Variants in BCL2L13 observed in about 807,000 individuals in gnomAD.
BCL2L13 encodes the protein BCL2 like 13, also known as bcl-2-like protein 13.
BCL2L13 carries 13 observed loss-of-function variants against 25.8 expected under a neutral mutation model. That is an observed-to-expected ratio of 0.50 (90% CI 0.33 to 0.80). BCL2L13 has a LOEUF of 0.80. BCL2L13 is among the 30% of genes least tolerant of loss of function. The pLI is 0.02. For missense variants in BCL2L13, 504 were observed against 574.9 expected (o/e 0.88, Z 1.26); for synonymous variants, 244 against 230.3 (o/e 1.06, Z -0.54).
intron 4 of BCL2L13, among the ~76,000 whole-genome samples, chr22:17,694,239 CT>C (rs2060198782): frequency 6.6e-6 from 1 of 152,044 alleles, no homozygotes; most frequent in Non-Finnish European, 1.5e-5. Flanking sequence ...TGAAACCGTG[CT>C]TTAAATAAAG....
In BCL2L13 at chr22:17,640,189, G is replaced by A. The variant is rs571680216; in HGVS notation, c.-51+1303G>A. Among the ~76,000 whole-genome samples the A allele has an allele frequency of 5.3e-5, 8 of 152,080 alleles. No individual in the cohort carries two copies. The South Asian group carries it at 1.4e-3, about 28-fold the overall frequency. ...TTCAACCACCCCCGCGCCACCGCATGAAGTATTATTTTCATTTTTAACACC... is the reference window on the plus strand; with the variant it reads ...TTCAACCACCCCCGCGCCACCGCATAAAGTATTATTTTCATTTTTAACACC... On this transcript the variant is annotated intron_variant, in intron 1 of 6. Coordinates refer to ENST00000317582, the MANE Select transcript of BCL2L13 (RefSeq NM_015367.4).
chr22:17,638,415 C>G, upstream of BCL2L13: 1 of 353,916 alleles, frequency 2.8e-6, no homozygotes, highest in Non-Finnish European at 5.1e-6. Flanking sequence ...GCTCCCTTGG[C>G]AAACACTTGA....
chr22:17,631,670 GTATATATATA>G lies in BCL2L13; in HGVS notation c.-650+2693_-650+2702del, dbSNP rs1181793721. On this transcript the variant is annotated intron_variant, in intron 1 of 6. Transcript: ENST00000399782. ...CGTGTGTGTATGTATGTGTGTGTGT[GTATATATATA>G]TATATATATATATATATATATATAT... is the stretch of plus-strand genomic sequence containing the variant. Among the ~76,000 whole-genome samples the G allele has an allele frequency of 9.0e-3, 242 of 26,864 alleles. 18 individuals carry two copies. Among genetic ancestry groups the G allele is most frequent in the Admixed American group, 0.051 (98 of 1,932 alleles). 17.6% of individuals were successfully genotyped at this position (26,864 alleles called of 152,430 possible).
chr22:17,690,298 C>T (rs553220557), intron 4 of BCL2L13, among the ~76,000 whole-genome samples: 4 of 151,806 alleles, frequency 2.6e-5, no homozygotes, highest in Non-Finnish European at 5.9e-5. Context: ...TGCACTCCAG[C>T]CTGCATGACA....
chr22:17,689,074 T>C lies in BCL2L13; in HGVS notation c.318T>C (p.His106=), dbSNP rs111606424. The stretch of plus-strand genomic sequence containing the variant: ...GCTCAATGGAAGACTGCTTGGCCCA[T>C]CTTGGAGAAAAAGTGTCCCAGGAAC... ...PESSMEDCLA[H]LGEKVSQELK... The change falls in exon 4 of 7, where the codon CAT becomes CAC. Residue 106 remains histidine, a synonymous_variant. Transcript: ENST00000317582. The C allele has an allele frequency of 2.0e-5, 32 of 1,614,162 alleles. No homozygotes were observed. In the African/African-American group the frequency reaches 2.9e-4, roughly 15 times the overall value.
intron 4 of BCL2L13, among the ~76,000 whole-genome samples, chr22:17,690,004 C>T (rs898739449): frequency 6.6e-6 from 1 of 151,968 alleles, no homozygotes; most frequent in African/African-American, 2.4e-5. Context: ...AGGCAAGAAG[C>T]TAGTAATAAG....
intron 2 of BCL2L13, among the ~76,000 whole-genome samples, chr22:17,661,309 T>C (rs1468989538): frequency 2.7e-5 from 4 of 145,636 alleles, no homozygotes; most frequent in African/African-American, 9.7e-5. Flanking sequence ...GCCAGGCTGG[T>C]CTCGAACTCC....
At chr22:17,631,670 G>GTATA (rs1181793721) in intron 1 of BCL2L13, among the ~76,000 whole-genome samples, 52 of 26,824 alleles carry the variant, frequency 1.9e-3, no homozygotes, top group South Asian at 6.0e-3. Context: ...GTGTGTGTGT[G>GTATA]TATATATATA....
At chr22:17,638,915 G>A in intron 1 of BCL2L13, 29 bp downstream of exon 1, 1 of 1,230,900 alleles carries the variant, frequency 8.1e-7, no homozygotes, top group Middle Eastern at 3.1e-4. Context: ...CGGGAAGGCT[G>A]AGCTGGGTGA....
At chr22:17,644,581 T>C (rs2058407149) in intron 1 of BCL2L13, among the ~76,000 whole-genome samples, 1 of 150,982 alleles carries the variant, frequency 6.6e-6, no homozygotes, top group Non-Finnish European at 1.5e-5. Context: ...CCGCCTGCCT[T>C]GGCCTTCCAA....
chr22:17,632,448 T>C (rs1050244673), intron 1 of BCL2L13, among the ~76,000 whole-genome samples: 5 of 152,178 alleles, frequency 3.3e-5, no homozygotes, highest in Non-Finnish European at 5.9e-5. Flanking sequence ...TCTTTTGCAT[T>C]AATAGCCTCA....
rs576703953 is a variant in BCL2L13, at chr22:17,705,337, G to A, written c.600+2951G>A. Among the ~76,000 whole-genome samples, 8 of 146,264 alleles carry A rather than the reference G, an allele frequency of 5.5e-5. No homozygotes were observed. In the South Asian group the frequency reaches 6.5e-4, roughly 12 times the overall value. ...TTTTCAGATGTAGTCTCCCTGTGTC[G>A]CCCAGGCTGGAATGCAGTGGCACTA... On this transcript the variant is annotated intron_variant, in intron 6 of 6. Transcript: ENST00000317582.
chr22:17,649,057 C>A (rs1213182405), intron 1 of BCL2L13, among the ~76,000 whole-genome samples: 1 of 151,866 alleles, frequency 6.6e-6, no homozygotes, highest in African/African-American at 2.4e-5. Flanking sequence ...TGCCTCAGCC[C>A]CCCACATTGT....
At chr22:17,654,857 G>T (rs60281186) in intron 1 of BCL2L13, among the ~76,000 whole-genome samples, 2,890 of 152,052 alleles carry the variant, frequency 0.019, 82 homozygotes, top group African/African-American at 0.067. Flanking sequence ...GAGTAACTGG[G>T]ACCATAGGCA....
chr22:17,685,039 A>AT (rs1410767753), intron 3 of BCL2L13, among the ~76,000 whole-genome samples: 1 of 150,422 alleles, frequency 6.6e-6, no homozygotes, highest in Non-Finnish European at 1.5e-5. Context: ...CCGGCCTGTA[A>AT]TTTTTTGTAC....
chr22:17,727,670 G>T lies in BCL2L13; in HGVS notation c.*136G>T. On this transcript the variant is annotated 3_prime_UTR_variant, in exon 7 of 7. Transcript: ENST00000317582. The stretch of plus-strand genomic sequence containing the variant: ...GGGACTTCTGCTCAACATGGCAGTG[G>T]CATGTTAGGCATGTTAGGGCTTGAG... 1 of 1,097,140 alleles carries T rather than the reference G, an allele frequency of 9.1e-7. No individual in the cohort carries two copies. The highest frequency in any genetic ancestry group is 2.5e-5 in the East Asian group (1 of 40,052). The allele number at this position is 1,097,140 out of a possible 1,614,324, so 68.0% of individuals were successfully genotyped here. A position where few individuals can be genotyped will look rare whatever the true frequency, so the allele number is the denominator to read the frequency against.
At chr22:17,681,024 C>T (rs564461738) in intron 2 of BCL2L13, among the ~76,000 whole-genome samples, 11 of 152,152 alleles carry the variant, frequency 7.2e-5, no homozygotes, top group East Asian at 5.8e-4. Context: ...CCTACTCTGT[C>T]GCACCTCCAT....
intron 6 of BCL2L13, chr22:17,706,853 C>T (rs561343352): frequency 7.4e-6 from 10 of 1,348,566 alleles, no homozygotes; most frequent in South Asian, 4.5e-5. Flanking sequence ...CTTTCTCCGT[C>T]GTCACATGAT....
intron 1 of BCL2L13, among the ~76,000 whole-genome samples, chr22:17,652,098 T>C (rs1449548252): frequency 6.6e-6 from 1 of 152,224 alleles, no homozygotes; most frequent in East Asian, 1.9e-4. Context: ...GGGGTTACAT[T>C]CTGAGAAACT....
Sources: gnomAD v4.1 joint callset for allele counts (sites outside exome capture counted in the v4.1 genomes callset) on GRCh38, gnomAD v4.1.1 for gene constraint, MANE v1.5 for transcripts, NCBI Gene and HGNC (gene_info 2026-07-23, HGNC 2026-07-21) for gene names.